Variants in USH2A observed in about 807,000 individuals in gnomAD.
USH2A encodes the protein usherin.
A neutral mutation model predicts 538.9 loss-of-function variants in USH2A; 443 were observed. The ratio of observed to expected loss-of-function variants is 0.82; its 90% CI spans 0.76 to 0.89. The LOEUF is 0.89. Among genes scored for constraint, USH2A ranks in the 40% least tolerant of loss-of-function variants. The probability of loss-of-function intolerance (pLI) is 0.00; values close to 1 mark genes in which losing one functional copy is unlikely to be tolerated. For synonymous variants in USH2A, 2,413 were observed against 2,273.5 expected, an observed-to-expected ratio of 1.06 and a Z score of -1.75; for missense variants, 6,633 against 6,324.8, an observed-to-expected ratio of 1.05 and a Z score of -1.65.
intron 38 of USH2A, among the ~76,000 whole-genome samples, chr1:215,924,915 A>G (rs544483867): frequency 5.9e-5 from 9 of 152,114 alleles, no homozygotes; most frequent in African/African-American, 2.2e-4. Context: ...CCTTTGCTGG[A>G]GGCTTGTTGA....
intron 11 of USH2A, among the ~76,000 whole-genome samples, chr1:216,283,152 T>C (rs577951243): frequency 1.2e-4 from 19 of 152,274 alleles, no homozygotes; most frequent in South Asian, 4.1e-4. Flanking sequence ...AGTGGCATGA[T>C]CTCAGCTCAC....
At chr1:215,981,929 G>A (rs1377623213) in intron 35 of USH2A, among the ~76,000 whole-genome samples, 2 of 152,194 alleles carry the variant, frequency 1.3e-5, no homozygotes, top group Non-Finnish European at 2.9e-5. Context: ...GAGAAAAAAA[G>A]CAAGTTGCAG....
chr1:215,632,826 A>G (rs1234847181), intron 70 of USH2A, among the ~76,000 whole-genome samples: 1 of 152,186 alleles, frequency 6.6e-6, no homozygotes, highest in Non-Finnish European at 1.5e-5. Flanking sequence ...ATTTTGAAAT[A>G]TCTGCTCTTC....
At position 215,780,332 on chromosome 1, in the gene USH2A, C is replaced by A. The variant is rs6692034; in HGVS notation, c.10741-291G>T. On this transcript the variant is annotated intron_variant, in intron 54 of 71. Coordinates refer to ENST00000307340, the MANE Select transcript of USH2A (RefSeq NM_206933.4). ...CAGTGTTTAAACAAGTAAAATCTGG[C>A]TGGCAGACTGTCTTACTAGAGAACT... 2.4e-3 allele frequency among the ~76,000 whole-genome samples: 359 copies of A among 152,258 alleles called. 1 individual carries two copies. Among genetic ancestry groups the A allele is most frequent in the African/African-American group, 8.3e-3 (345 of 41,552 alleles).
At chr1:216,328,829 C>T (rs1055541150) in intron 4 of USH2A, among the ~76,000 whole-genome samples, 2 of 151,590 alleles carry the variant, frequency 1.3e-5, no homozygotes, top group Non-Finnish European at 1.5e-5. Context: ...TGTGTGTATG[C>T]ATATATTTGT....
chr1:216,261,902 T>C (rs1254746193), intron 11 of USH2A, among the ~76,000 whole-genome samples: 1 of 152,144 alleles, frequency 6.6e-6, no homozygotes, highest in Non-Finnish European at 1.5e-5. Context: ...TAAAGTCATG[T>C]CACTGCTGCC....
At chr1:215,818,393 C>A (rs1028202651) in intron 47 of USH2A, among the ~76,000 whole-genome samples, 2 of 151,218 alleles carry the variant, frequency 1.3e-5, no homozygotes, top group African/African-American at 4.9e-5. Flanking sequence ...TTTGACTCAT[C>A]TAAATAGATT....
intron 3 of USH2A, among the ~76,000 whole-genome samples, chr1:216,404,618 C>CTTTTTTT (rs375562284): frequency 1.8e-5 from 2 of 110,040 alleles, no homozygotes; most frequent in Admixed American, 1.1e-4. Flanking sequence ...GAAACATAGG[C>CTTTTTTT]TTTTTTTTTT....
chr1:216,229,848 G>A (rs1445015206), intron 14 of USH2A, among the ~76,000 whole-genome samples: 1 of 152,070 alleles, frequency 6.6e-6, no homozygotes, highest in African/African-American at 2.4e-5. Flanking sequence ...AGAGTGAGAT[G>A]GGTAGATAAT....
At chr1:216,017,637 C>T (rs1668748113) in intron 32 of USH2A, among the ~76,000 whole-genome samples, 1 of 152,086 alleles carries the variant, frequency 6.6e-6, no homozygotes, top group Admixed American at 6.6e-5. Context: ...TTCCTGACTA[C>T]CTGTGGCAGG....
chr1:215,932,941 T>C (rs1210121834), intron 38 of USH2A, among the ~76,000 whole-genome samples: 1 of 152,026 alleles, frequency 6.6e-6, no homozygotes, highest in African/African-American at 2.4e-5. Context: ...AGTAGGACCT[T>C]GCTATTTTTA....
At chr1:215,974,476 G>C (rs1667573916) in intron 35 of USH2A, among the ~76,000 whole-genome samples, 2 of 152,238 alleles carry the variant, frequency 1.3e-5, no homozygotes, top group South Asian at 4.1e-4. Flanking sequence ...CCAACAGTTA[G>C]ATTTTCAGTC....
chr1:215,725,117 G>T (rs2820714), intron 61 of USH2A, among the ~76,000 whole-genome samples: 22,953 of 151,954 alleles, frequency 0.15, 1,878 homozygotes, highest in African/African-American at 0.16. Context: ...CACTGCAACC[G>T]TGGCCTCCTG....
chr1:216,412,907 C>A (rs1400884752), intron 3 of USH2A, among the ~76,000 whole-genome samples: 1 of 151,844 alleles, frequency 6.6e-6, no homozygotes, highest in Non-Finnish European at 1.5e-5. Flanking sequence ...TGGCACAGAG[C>A]TATTATTAAC....
chr1:215,640,682 A>G lies in USH2A; in HGVS notation c.14844T>C (p.Cys4948=). 1.9e-6 allele frequency: 3 copies of G among 1,614,046 alleles called. No homozygotes were observed. The highest frequency in any genetic ancestry group is 2.5e-6 in the Non-Finnish European group (3 of 1,180,008). The change falls in exon 68 of 72, where the codon TGT becomes TGC. Residue 4948 remains cysteine (C), a synonymous_variant. Coordinates refer to ENST00000307340, the MANE Select transcript of USH2A (RefSeq NM_206933.4). ...GGAGGAAGGTGTCACTCCAGTTCACACACACCACAGACAAATTGCTGTCCA... is the reference window on the plus strand; with the variant it reads ...GGAGGAAGGTGTCACTCCAGTTCACGCACACCACAGACAAATTGCTGTCCA... The part of the protein sequence containing the change: ...FSVDSNLSVV[C]VNWSDTFLLN...
At chr1:215,924,269 T>C (rs1286846956) in intron 38 of USH2A, among the ~76,000 whole-genome samples, 1 of 152,080 alleles carries the variant, frequency 6.6e-6, no homozygotes, top group African/African-American at 2.4e-5. Context: ...CTATTCTTCC[T>C]TAAGTTTTTA....
intron 37 of USH2A, among the ~76,000 whole-genome samples, chr1:215,956,628 T>A (rs187394152): frequency 2.0e-5 from 3 of 152,206 alleles, no homozygotes; most frequent in Non-Finnish European, 4.4e-5. Flanking sequence ...GGGCTGCATA[T>A]CCTGAATCAG....
intron 44 of USH2A, among the ~76,000 whole-genome samples, chr1:215,849,996 T>G (rs36016984): frequency 6.7e-6 from 1 of 150,110 alleles, no homozygotes; most frequent in Non-Finnish European, 1.5e-5. Context: ...TCTTTTTAAG[T>G]TTCATGATAA....
In USH2A at chr1:216,130,503, G is replaced by A. The variant is rs112435647; in HGVS notation, c.4628-33290C>T. On this transcript the variant is annotated intron_variant, in intron 21 of 71. Transcript: ENST00000307340. ...ATGCTATTAACTAATTCCTTTGTAT[G>A]GCTGAGTAGTATTCCATCATATATA... 1.1e-3 allele frequency among the ~76,000 whole-genome samples: 159 copies of A among 147,012 alleles called. 1 individual carries two copies. Among genetic ancestry groups the A allele is most frequent in the African/African-American group, 3.7e-3 (149 of 40,236 alleles).
Sources: gnomAD v4.1 joint callset for allele counts (sites outside exome capture counted in the v4.1 genomes callset) on GRCh38, gnomAD v4.1.1 for gene constraint, MANE v1.5 for transcripts, NCBI Gene and HGNC (gene_info 2026-07-23, HGNC 2026-07-21) for gene names.